SDK1: variants seen among roughly 807,000 people sequenced by gnomAD.
The protein encoded by SDK1 is protein sidekick-1.
SDK1 carries 157 observed loss-of-function variants against 245.5 expected under a neutral mutation model. The observed-to-expected ratio is 0.64, with a 90% CI of 0.56 to 0.73. The LOEUF (loss-of-function observed/expected upper bound fraction) is 0.73. Ranked by LOEUF, SDK1 falls within the 30% of genes least tolerant of loss-of-function variation. The pLI is 0.00. For missense variants in SDK1, 3,583 were observed against 3,002.3 expected, an observed-to-expected ratio of 1.19 and a Z score of -4.52; for synonymous variants, 1,647 against 1,278.5, an observed-to-expected ratio of 1.29 and a Z score of -6.15.
intron 1 of SDK1, among the ~76,000 whole-genome samples, chr7:3,583,116 G>T (rs1295864802): frequency 6.6e-6 from 1 of 152,174 alleles, no homozygotes; most frequent in Non-Finnish European, 1.5e-5. Flanking sequence ...GGAGGTATCG[G>T]TGTCAACACT....
intron 28 of SDK1, 161 bp downstream of exon 28, chr7:4,132,584 G>T (rs1266371203): frequency 8.8e-6 from 5 of 567,066 alleles, no homozygotes; most frequent in Non-Finnish European, 1.6e-5. Context: ...ACTATTAGCC[G>T]GGCATGATGG....
At chr7:3,761,588 A>G (rs1229874326) in intron 4 of SDK1, among the ~76,000 whole-genome samples, 2 of 151,342 alleles carry the variant, frequency 1.3e-5, no homozygotes, top group African/African-American at 2.4e-5. Flanking sequence ...AGGCCTAATC[A>G]TTGTACAAGG....
intron 4 of SDK1, among the ~76,000 whole-genome samples, chr7:3,785,244 G>A (rs1287162899): frequency 6.6e-6 from 1 of 152,078 alleles, no homozygotes; most frequent in Non-Finnish European, 1.5e-5. Context: ...AAAGATCTCA[G>A]GCAAGAGGAA....
intron 2 of SDK1, among the ~76,000 whole-genome samples, chr7:3,630,425 A>T (rs1782254295): frequency 6.6e-6 from 1 of 152,218 alleles, no homozygotes; most frequent in East Asian, 1.9e-4. Flanking sequence ...ACATATAAGA[A>T]TTAATTATAT....
At chr7:3,458,912 T>TA (rs1324739033) in intron 1 of SDK1, among the ~76,000 whole-genome samples, 2 of 152,224 alleles carry the variant, frequency 1.3e-5, no homozygotes, top group African/African-American at 2.4e-5. Flanking sequence ...GAAAGTGCTC[T>TA]AAATTCATTG....
chr7:3,937,782 G>A (rs554649253), intron 5 of SDK1, among the ~76,000 whole-genome samples: 1 of 152,336 alleles, frequency 6.6e-6, no homozygotes, highest in South Asian at 2.1e-4. Flanking sequence ...CAGTTGCCCT[G>A]ATGGGCTTGG....
chr7:4,070,078 T>A (rs1780152286), intron 20 of SDK1, among the ~76,000 whole-genome samples: 1 of 152,242 alleles, frequency 6.6e-6, no homozygotes, highest in African/African-American at 2.4e-5. Flanking sequence ...GTTCTGTTTA[T>A]TAAGTAGTTA....
At chr7:3,323,927 CT>C (rs1779879445) in intron 1 of SDK1, among the ~76,000 whole-genome samples, 1 of 152,118 alleles carries the variant, frequency 6.6e-6, no homozygotes, top group African/African-American at 2.4e-5. Context: ...TCTTCTCTGT[CT>C]TTTGATTGCA....
intron 5 of SDK1, among the ~76,000 whole-genome samples, chr7:3,922,680 C>G (rs1779636001): frequency 6.6e-6 from 1 of 152,226 alleles, no homozygotes; most frequent in East Asian, 1.9e-4. Flanking sequence ...TCTGTCTGCA[C>G]TCTTGTCAGT....
chr7:4,110,390 CA>C (rs1417638921), intron 22 of SDK1, among the ~76,000 whole-genome samples: 1 of 152,182 alleles, frequency 6.6e-6, no homozygotes, highest in Non-Finnish European at 1.5e-5. Flanking sequence ...GGTTTGTTCC[CA>C]GGGGTTTCAC....
chr7:4,134,143 C>G (rs1215949340), intron 28 of SDK1, among the ~76,000 whole-genome samples: 8 of 152,120 alleles, frequency 5.3e-5, no homozygotes, highest in Admixed American at 3.3e-4. Flanking sequence ...TGAGAGGGGG[C>G]CTGGAGCTTC....
At chr7:3,879,458 C>G (rs1015291793) in intron 5 of SDK1, among the ~76,000 whole-genome samples, 1 of 152,164 alleles carries the variant, frequency 6.6e-6, no homozygotes, top group African/African-American at 2.4e-5. Flanking sequence ...TGTCAGAACT[C>G]CCTGGAGGCA....
intron 1 of SDK1, among the ~76,000 whole-genome samples, chr7:3,483,562 A>G (rs1202634004): frequency 6.6e-6 from 1 of 152,116 alleles, no homozygotes; most frequent in African/African-American, 2.4e-5. Flanking sequence ...TCTTATTGCA[A>G]TCCCTGCACC....
At chr7:4,202,749 A>G (rs917323265) in intron 35 of SDK1, among the ~76,000 whole-genome samples, 1 of 151,858 alleles carries the variant, frequency 6.6e-6, no homozygotes, top group Non-Finnish European at 1.5e-5. Context: ...TGCCACGTAG[A>G]ACCGTTTTGT....
At chr7:3,709,324 A>C (rs1223135598) in intron 4 of SDK1, among the ~76,000 whole-genome samples, 1 of 152,184 alleles carries the variant, frequency 6.6e-6, no homozygotes, top group Non-Finnish European at 1.5e-5. Flanking sequence ...AGAAGTCAGG[A>C]ATGGTTTCCC....
intron 5 of SDK1, among the ~76,000 whole-genome samples, chr7:3,919,504 G>A (rs1454724936): frequency 2.0e-5 from 3 of 152,180 alleles, no homozygotes; most frequent in South Asian, 2.1e-4. Context: ...AGTTGCACTC[G>A]TACCCTCCCT....
In SDK1 at chr7:4,104,736, C is replaced by G. The variant is rs191628015; in HGVS notation, c.3325-5927C>G. Among the ~76,000 whole-genome samples, 112 of 152,300 alleles carry G rather than the reference C, an allele frequency of 7.4e-4. 1 individual carries two copies. Among genetic ancestry groups the G allele is most frequent in the Non-Finnish European group, 1.2e-3 (79 of 68,032 alleles). ...TATTTATTTTTGAGGCAGGGTCTCA[C>G]TCTGTCATCCAGGCTGGAGTGCAGT... On this transcript the variant is annotated intron_variant, in intron 22 of 44. Transcript: ENST00000404826.
rs1306703643 is a variant in SDK1 at position 3,338,384 on chromosome 7, A to C, written c.298+36500A>C. 4 of 530,352 alleles carry C rather than the reference A, an allele frequency of 7.5e-6. No homozygotes were observed. The East Asian group carries it at 1.9e-4, about 25-fold the overall frequency. The allele number at this position is 530,352 out of a possible 1,614,324, so 32.9% of individuals were successfully genotyped here. On this transcript the variant is annotated intron_variant, in intron 1 of 44. Coordinates refer to ENST00000404826, the MANE Select transcript of SDK1 (RefSeq NM_152744.4). ...GTCAGGGCACGACTCTTGCCAAGAG[A>C]ACTAATGTGCGTGTTGAGCACATTA...
At chr7:4,188,835 G>A (rs1004211845) in intron 35 of SDK1, among the ~76,000 whole-genome samples, 5 of 152,044 alleles carry the variant, frequency 3.3e-5, no homozygotes, top group East Asian at 3.9e-4. Context: ...TTTGTGGTGC[G>A]TCTTAATCAT....
Sources: gnomAD v4.1 joint callset for allele counts (sites outside exome capture counted in the v4.1 genomes callset) on GRCh38, gnomAD v4.1.1 for gene constraint, MANE v1.5 for transcripts, NCBI Gene and HGNC (gene_info 2026-07-23, HGNC 2026-07-21) for gene names.